JARID2: variants seen among roughly 807,000 people sequenced by gnomAD.
JARID2 encodes the protein jumonji and AT-rich interaction domain containing 2.
In JARID2, 21 loss-of-function variants were observed where a neutral mutation model predicts 125.6. That is an observed-to-expected ratio of 0.17 (90% CI 0.12 to 0.24). The LOEUF (loss-of-function observed/expected upper bound fraction) is 0.24, where lower values mean the gene tolerates loss of function less well. Ranked by LOEUF, JARID2 falls within the 10% of genes least tolerant of loss-of-function variation. The pLI is 1.00. For missense variants in JARID2, 1,303 were observed against 1,639.6 expected, an observed-to-expected ratio of 0.79 and a Z score of 3.55; for synonymous variants, 736 against 661.6, an observed-to-expected ratio of 1.11 and a Z score of -1.73.
Position 15,512,315 on chromosome 6 carries a change from C to T in JARID2, c.3060C>T (p.Cys1020=), listed in dbSNP as rs149529040. 3.6e-5 allele frequency: 58 copies of T among 1,614,062 alleles called. No homozygotes were observed. Among genetic ancestry groups the T allele is most frequent in the Non-Finnish European group, 4.7e-5 (56 of 1,180,038 alleles). ...CGGGATCCTTTGTGTCCAAAGTGTG[C>T]TGTGGGTACAGCGTGTCTGAAACCG... ...CFPGSFVSKV[C]CGYSVSETVH... is the part of the protein sequence containing the mutation. Residue 1020 remains cysteine (C), a synonymous_variant, in exon 14 of 18, where the codon TGC becomes TGT. Transcript: ENST00000341776.
chr6:15,517,284 CGGGGTAGGGCA>C lies in JARID2; in HGVS notation c.3558+20_3558+30del. The C allele has an allele frequency of 6.4e-7, 1 of 1,566,484 alleles. No homozygotes were observed. Among genetic ancestry groups the C allele is most frequent in the South Asian group, 1.1e-5 (1 of 90,220 alleles). On this transcript the variant is annotated intron_variant, in intron 17 of 17. Coordinates refer to ENST00000341776, the MANE Select transcript of JARID2 (RefSeq NM_004973.4). ...CTACGATGAGGTCAGTCCCTGCCCG[CGGGGTAGGGCA>C]GGGCGGCAGCGTGGCGCCTTCCCTG...
chr6:15,438,787 G>T (rs1427307369), intron 3 of JARID2, among the ~76,000 whole-genome samples: 2 of 152,172 alleles, frequency 1.3e-5, no homozygotes, highest in Non-Finnish European at 2.9e-5. Flanking sequence ...CCAGCACTTT[G>T]GGAGGCCAAA....
At chr6:15,506,633 C>T (rs1250902389) in intron 9 of JARID2, among the ~76,000 whole-genome samples, 2 of 152,198 alleles carry the variant, frequency 1.3e-5, no homozygotes, top group Admixed American at 1.3e-4. Flanking sequence ...GGCACCGCTG[C>T]TTGCCTGTAG....
At chr6:15,461,388 A>G (rs1392554924) in intron 4 of JARID2, among the ~76,000 whole-genome samples, 2 of 152,210 alleles carry the variant, frequency 1.3e-5, no homozygotes, top group Non-Finnish European at 2.9e-5. Context: ...GTGGGATTAG[A>G]TAGGCACACC....
intron 1 of JARID2, among the ~76,000 whole-genome samples, chr6:15,257,741 AG>A (rs1759720701): frequency 2.0e-5 from 3 of 152,234 alleles, no homozygotes; most frequent in Non-Finnish European, 4.4e-5. Flanking sequence ...ACGTTAGGCC[AG>A]CGGGTTGGTT....
intron 5 of JARID2, among the ~76,000 whole-genome samples, chr6:15,481,413 TTC>T (rs993011681): frequency 1.1e-4 from 16 of 152,174 alleles, no homozygotes; most frequent in African/African-American, 3.9e-4. Flanking sequence ...CTTTCTGTCT[TTC>T]TCTCTCTTAT....
intron 2 of JARID2, among the ~76,000 whole-genome samples, chr6:15,408,104 A>C (rs960965971): frequency 1.3e-5 from 2 of 152,078 alleles, no homozygotes; most frequent in Admixed American, 1.3e-4. Context: ...TCTCTACAAA[A>C]AATACAAGGA....
At chr6:15,442,361 C>G (rs1767483520) in intron 3 of JARID2, among the ~76,000 whole-genome samples, 1 of 152,098 alleles carries the variant, frequency 6.6e-6, no homozygotes. Context: ...ACTGAATGTA[C>G]TTAGATAATT....
At chr6:15,360,534 G>A (rs1763756809) in intron 1 of JARID2, among the ~76,000 whole-genome samples, 1 of 152,064 alleles carries the variant, frequency 6.6e-6, no homozygotes, top group African/African-American at 2.4e-5. Flanking sequence ...CCAAACTGGA[G>A]TATAGTGGCT....
intron 5 of JARID2, among the ~76,000 whole-genome samples, chr6:15,475,287 C>T (rs899677452): frequency 6.6e-6 from 1 of 152,162 alleles, no homozygotes; most frequent in East Asian, 1.9e-4. Context: ...AATCAGGCAC[C>T]AGTGCCTTGC....
intron 12 of JARID2, chr6:15,508,986 C>A: frequency 7.8e-7 from 1 of 1,289,382 alleles, no homozygotes; most frequent in Non-Finnish European, 1.0e-6. Flanking sequence ...GCCAGTGTTT[C>A]CTCATCTATC....
intron 8 of JARID2, 24 bp from the exon 9 acceptor site, chr6:15,504,476 T>C: frequency 1.3e-6 from 2 of 1,562,802 alleles, no homozygotes; most frequent in Non-Finnish European, 1.8e-6. Flanking sequence ...TTCTGAAGCT[T>C]TACTGTTTTT....
At chr6:15,358,157 A>G (rs1293923283) in intron 1 of JARID2, among the ~76,000 whole-genome samples, 2 of 152,174 alleles carry the variant, frequency 1.3e-5, no homozygotes, top group Non-Finnish European at 2.9e-5. Context: ...GTGTTCTAAG[A>G]AGTTTGTCAA....
In JARID2 at chr6:15,354,605, A is replaced by G. The variant is rs193286493; in HGVS notation, c.46-19512A>G. Reference sequence around the variant, plus strand: ...CACAGCAGACATTCAAGCACAGATAAGGAAATGAGCATGTACTTAACATTC... The same window carrying G: ...CACAGCAGACATTCAAGCACAGATAGGGAAATGAGCATGTACTTAACATTC... On this transcript the variant is annotated intron_variant, in intron 1 of 17. Transcript: ENST00000341776. 4.3e-4 allele frequency among the ~76,000 whole-genome samples: 66 copies of G among 152,312 alleles called. 1 individual carries two copies. The Middle Eastern group carries it at 0.01, about 24-fold the overall frequency.
intron 4 of JARID2, among the ~76,000 whole-genome samples, chr6:15,459,602 A>AT (rs764880712): frequency 6.6e-6 from 1 of 152,174 alleles, no homozygotes; most frequent in Non-Finnish European, 1.5e-5. Context: ...GGAGAGGAAG[A>AT]TTATTAGATT....
At chr6:15,507,511 G>A (rs1229500484) in intron 11 of JARID2, 95 bp downstream of exon 11, 12 of 979,128 alleles carry the variant, frequency 1.2e-5, no homozygotes, top group South Asian at 2.9e-5. Context: ...AAGCACTGCC[G>A]GGGAGGGATG....
intron 5 of JARID2, among the ~76,000 whole-genome samples, chr6:15,470,005 C>T (rs1239649680): frequency 1.3e-5 from 2 of 151,922 alleles, no homozygotes; most frequent in Non-Finnish European, 2.9e-5. Flanking sequence ...GGTGAAACCC[C>T]GTCTCTACTA....
rs369018511 is a variant in JARID2, at chr6:15,451,998, T to A, written c.324-8T>A. 14 of 1,611,430 alleles carry A rather than the reference T, an allele frequency of 8.7e-6. No homozygotes were observed. The highest frequency in any genetic ancestry group is 1.3e-5 in the African/African-American group (1 of 74,694). ...TAATTTATTTTTAATTTTCTTTTGCTTTTGCAGGCCCAGGCTGCAAGCACA... is the reference window on the plus strand; with the variant it reads ...TAATTTATTTTTAATTTTCTTTTGCATTTGCAGGCCCAGGCTGCAAGCACA... On this transcript the variant is annotated splice_polypyrimidine_tract_variant and splice_region_variant and intron_variant, in intron 3 of 17. Coordinates refer to ENST00000341776, the MANE Select transcript of JARID2 (RefSeq NM_004973.4).
At chr6:15,332,930 CTTTTCTTTTTT>C (rs1762759144) in intron 1 of JARID2, among the ~76,000 whole-genome samples, 4 of 82,798 alleles carry the variant, frequency 4.8e-5, no homozygotes, top group East Asian at 3.4e-4. Flanking sequence ...CTTTTCTTTT[CTTTTCTTTTTT>C]TTTTTTTTTT....
Sources: allele counts gnomAD v4.1 joint callset (sites outside exome capture counted in the v4.1 genomes callset), GRCh38; gene constraint gnomAD v4.1.1; transcripts MANE v1.5; gene names NCBI Gene and HGNC (gene_info 2026-07-23, HGNC 2026-07-21).